The following HDAC9 variants were observed in gnomAD, a reference collection of about 807,000 sequenced individuals.
HDAC9 encodes the protein histone deacetylase 9, also known as MEF-2 interacting transcription repressor (MITR) protein.
In HDAC9, 41 loss-of-function variants were observed where a neutral mutation model predicts 139.4. The observed-to-expected ratio is 0.29, with a 90% CI of 0.23 to 0.38. The LOEUF (loss-of-function observed/expected upper bound fraction) is 0.38. Ranked by LOEUF, HDAC9 falls within the 10% of genes least tolerant of loss-of-function variation. HDAC9 has a pLI of 1.00. For missense variants in HDAC9, 1,147 were observed against 1,297.0 expected (o/e 0.88, Z 1.78); for synonymous variants, 517 against 476.2 (o/e 1.09, Z -1.12).
chr7:18,253,440 C>T (rs1393160419), intron 2 of HDAC9, among the ~76,000 whole-genome samples: 1 of 152,114 alleles, frequency 6.6e-6, no homozygotes. Flanking sequence ...TTTATAATAG[C>T]CATTCTTAAT....
intron 1 of HDAC9, among the ~76,000 whole-genome samples, chr7:18,430,070 A>T (rs1790499095): frequency 6.6e-6 from 1 of 152,170 alleles, no homozygotes; most frequent in Non-Finnish European, 1.5e-5. Context: ...TGATATTAGG[A>T]CTTTGAGGCT....
chr7:18,347,816 A>T (rs1264157948), intron 1 of HDAC9, among the ~76,000 whole-genome samples: 2 of 151,868 alleles, frequency 1.3e-5, no homozygotes, highest in Non-Finnish European at 2.9e-5. Context: ...ACCTCAGATG[A>T]TCCACCCACC....
At chr7:18,149,519 C>G (rs1336401292) in intron 1 of HDAC9, among the ~76,000 whole-genome samples, 2 of 149,912 alleles carry the variant, frequency 1.3e-5, no homozygotes, top group Non-Finnish European at 3.0e-5. Context: ...CCATGCATGG[C>G]TAAGGTTTTT....
At chr7:18,670,544 T>C (rs1265385809) in intron 12 of HDAC9, among the ~76,000 whole-genome samples, 1 of 152,076 alleles carries the variant, frequency 6.6e-6, no homozygotes, top group Non-Finnish European at 1.5e-5. Flanking sequence ...ATTAGCTCAT[T>C]TGGTCCTCAC....
intron 6 of HDAC9, 43 bp downstream of exon 6, chr7:18,594,072 C>T: frequency 1.2e-6 from 2 of 1,605,636 alleles, no homozygotes; most frequent in Non-Finnish European, 8.5e-7. Context: ...TTCTGTAACA[C>T]ACCTGTAAGT....
chr7:18,549,288 A>G (rs181650483), intron 2 of HDAC9, among the ~76,000 whole-genome samples: 2 of 152,298 alleles, frequency 1.3e-5, no homozygotes, highest in Non-Finnish European at 1.5e-5. Flanking sequence ...CAGCAATTGC[A>G]CTTCTGGAAA....
At chr7:18,110,509 C>T (rs1250295559) in intron 1 of HDAC9, among the ~76,000 whole-genome samples, 1 of 152,090 alleles carries the variant, frequency 6.6e-6, no homozygotes, top group African/African-American at 2.4e-5. Context: ...GGACAAGGAA[C>T]TCCATGTAAG....
chr7:18,475,544 A>C (rs955814932), intron 1 of HDAC9, among the ~76,000 whole-genome samples: 1 of 152,232 alleles, frequency 6.6e-6, no homozygotes, highest in Non-Finnish European at 1.5e-5. Context: ...TTGGACAATA[A>C]ATCAGTACTT....
intron 1 of HDAC9, among the ~76,000 whole-genome samples, chr7:18,131,899 A>G (rs1315807863): frequency 1.3e-5 from 2 of 152,188 alleles, no homozygotes; most frequent in African/African-American, 2.4e-5. Context: ...TCAAAATTTA[A>G]GACACCTTCT....
intron 2 of HDAC9, among the ~76,000 whole-genome samples, chr7:18,554,786 C>G (rs1293723137): frequency 6.6e-6 from 1 of 152,158 alleles, no homozygotes; most frequent in Non-Finnish European, 1.5e-5. Flanking sequence ...TGAGCTTTCT[C>G]TCTTCTTAGA....
At chr7:18,326,514 T>C (rs961870436) in intron 1 of HDAC9, among the ~76,000 whole-genome samples, 4 of 152,022 alleles carry the variant, frequency 2.6e-5, no homozygotes, top group Admixed American at 6.6e-5. Flanking sequence ...TCACCACTTA[T>C]ATATTTTTGA....
chr7:18,178,694 G>A (rs531007153), intron 2 of HDAC9, among the ~76,000 whole-genome samples: 1 of 152,266 alleles, frequency 6.6e-6, no homozygotes, highest in South Asian at 2.1e-4. Context: ...ATTGTTTTAA[G>A]TTAGTTTAGA....
At chr7:18,486,984 A>G (rs1796021252) in intron 1 of HDAC9, among the ~76,000 whole-genome samples, 1 of 152,042 alleles carries the variant, frequency 6.6e-6, no homozygotes, top group African/African-American at 2.4e-5. Context: ...TCATCTTTGG[A>G]GAGTGTTTTG....
chr7:18,860,455 G>A (rs1478873535), intron 21 of HDAC9, among the ~76,000 whole-genome samples: 3 of 152,132 alleles, frequency 2.0e-5, no homozygotes, highest in Non-Finnish European at 4.4e-5. Flanking sequence ...ATGTTGCAGG[G>A]GCTTGTTCTG....
At chr7:18,353,615 T>C (rs1783026435) in intron 1 of HDAC9, among the ~76,000 whole-genome samples, 1 of 152,158 alleles carries the variant, frequency 6.6e-6, no homozygotes, top group Non-Finnish European at 1.5e-5. Context: ...TTGAAGGAAA[T>C]TGATGACATT....
intron 2 of HDAC9, among the ~76,000 whole-genome samples, chr7:18,280,028 T>G (rs1431256151): frequency 1.3e-5 from 2 of 151,978 alleles, no homozygotes; most frequent in Admixed American, 6.6e-5. Context: ...AAAAAGAAAA[T>G]GAAAATATAC....
chr7:18,227,229 T>G (rs1031774672), intron 2 of HDAC9, among the ~76,000 whole-genome samples: 4 of 152,212 alleles, frequency 2.6e-5, no homozygotes, highest in Admixed American at 6.5e-5. Context: ...AGAGACTTTG[T>G]AATCCTTCTG....
At chr7:18,401,354 T>G (rs1787524479) in intron 1 of HDAC9, among the ~76,000 whole-genome samples, 1 of 152,170 alleles carries the variant, frequency 6.6e-6, no homozygotes, top group Non-Finnish European at 1.5e-5. Flanking sequence ...CTATGGCTGT[T>G]TGCCTCATTT....
intron 2 of HDAC9, among the ~76,000 whole-genome samples, chr7:18,220,833 AG>A (rs1239626120): frequency 1.3e-5 from 2 of 152,206 alleles, no homozygotes; most frequent in African/African-American, 4.8e-5. Flanking sequence ...TCAGTAAGTC[AG>A]GAAGAAAGCA....
Sources: allele counts gnomAD v4.1 joint callset (sites outside exome capture counted in the v4.1 genomes callset), GRCh38; gene constraint gnomAD v4.1.1; transcripts MANE v1.5; gene names NCBI Gene and HGNC (gene_info 2026-07-23, HGNC 2026-07-21).